Variants in RIN2 observed in about 807,000 individuals in gnomAD.
RIN2 encodes Ras and Rab interactor 2.
RIN2 carries 36 observed loss-of-function variants against 78.0 expected under a neutral mutation model. The ratio of observed to expected loss-of-function variants is 0.46; its 90% CI spans 0.35 to 0.61. The LOEUF (loss-of-function observed/expected upper bound fraction) is 0.61, where lower values mean the gene tolerates loss of function less well. Among genes scored for constraint, RIN2 ranks in the 20% least tolerant of loss-of-function variants. The pLI is 0.00. For synonymous variants in RIN2, 466 were observed against 466.8 expected (o/e 1.00, Z 0.02); for missense variants, 1,087 against 1,159.7 (o/e 0.94, Z 0.91).
At chr20:19,882,774 T>C (rs1213274647) in intron 2 of RIN2, among the ~76,000 whole-genome samples, 2 of 152,192 alleles carry the variant, frequency 1.3e-5, no homozygotes, top group African/African-American at 4.8e-5. Flanking sequence ...ACTGCACTAG[T>C]CCATGTATAC....
intron 1 of RIN2, among the ~76,000 whole-genome samples, chr20:19,770,753 G>A (rs1427795830): frequency 6.6e-6 from 1 of 152,052 alleles, no homozygotes; most frequent in Non-Finnish European, 1.5e-5. Context: ...CACCAACACA[G>A]AAGCCTTCTG....
intron 2 of RIN2, among the ~76,000 whole-genome samples, chr20:19,861,554 C>CTGA (rs1568551612): frequency 1.3e-5 from 2 of 151,248 alleles, no homozygotes; most frequent in African/African-American, 2.4e-5. Context: ...CCCTCCTTAT[C>CTGA]TGATCACCCT....
At chr20:19,859,337 C>G (rs1252208432) in intron 2 of RIN2, among the ~76,000 whole-genome samples, 1 of 152,218 alleles carries the variant, frequency 6.6e-6, no homozygotes, top group Non-Finnish European at 1.5e-5. Flanking sequence ...ATTCCTGGTT[C>G]TAATCCTGAC....
intron 3 of RIN2, among the ~76,000 whole-genome samples, chr20:19,903,147 G>C (rs549677006): frequency 3.3e-5 from 5 of 152,290 alleles, no homozygotes; most frequent in African/African-American, 9.6e-5. Flanking sequence ...TTAGCATCCT[G>C]TATTTTCTTG....
intron 3 of RIN2, among the ~76,000 whole-genome samples, chr20:19,928,590 C>G (rs1373956756): frequency 6.6e-6 from 1 of 152,212 alleles, no homozygotes; most frequent in Non-Finnish European, 1.5e-5. Context: ...CTTGCCCAGG[C>G]CCAGCCCTGG....
intron 2 of RIN2, among the ~76,000 whole-genome samples, chr20:19,830,767 C>A (rs964400953): frequency 6.6e-6 from 1 of 152,230 alleles, no homozygotes; most frequent in Admixed American, 6.5e-5. Context: ...GAGTCTATAG[C>A]TGCCACCAGC....
chr20:19,868,641 G>A (rs2123341643), intron 2 of RIN2, among the ~76,000 whole-genome samples: 1 of 152,288 alleles, frequency 6.6e-6, no homozygotes, highest in South Asian at 2.1e-4. Flanking sequence ...GCCTATGTGA[G>A]ATAAACAGAC....
At chr20:19,976,697 T>C (rs527876201) in intron 9 of RIN2, among the ~76,000 whole-genome samples, 1 of 152,350 alleles carries the variant, frequency 6.6e-6, no homozygotes, top group African/African-American at 2.4e-5. Flanking sequence ...AGAGACTTTA[T>C]TCACCAGGCA....
chr20:19,942,078 C>G (rs2040894938), intron 4 of RIN2, among the ~76,000 whole-genome samples: 1 of 145,772 alleles, frequency 6.9e-6, no homozygotes, highest in Non-Finnish European at 1.5e-5. Context: ...CCACTGCACT[C>G]CAGCATGGGT....
At chr20:19,811,577 A>C (rs1334769243) in intron 2 of RIN2, among the ~76,000 whole-genome samples, 4 of 152,280 alleles carry the variant, frequency 2.6e-5, no homozygotes, top group Non-Finnish European at 5.9e-5. Context: ...AGGGTGCTTA[A>C]GAGATTTTGA....
intron 2 of RIN2, among the ~76,000 whole-genome samples, chr20:19,849,484 A>G (rs34634068): frequency 0.047 from 7,089 of 152,282 alleles, 207 homozygotes; most frequent in South Asian, 0.12. Context: ...GCTCCTGCTC[A>G]GCAGCAAAGT....
chr20:19,943,975 C>CG (rs2040983317), intron 4 of RIN2, among the ~76,000 whole-genome samples: 1 of 95,880 alleles, frequency 1.0e-5, no homozygotes, highest in South Asian at 4.6e-4. Context: ...TTTCAATATC[C>CG]TTTTTTTTTT....
At chr20:19,787,401 C>T (rs1353193033) in intron 1 of RIN2, among the ~76,000 whole-genome samples, 4 of 126,968 alleles carry the variant, frequency 3.2e-5, no homozygotes, top group South Asian at 2.5e-4. Context: ...CCTGCCTGGG[C>T]GACAGAGCAA....
intron 2 of RIN2, chr20:19,824,093 G>A (rs1265133532): frequency 1.7e-6 from 1 of 597,874 alleles, no homozygotes; most frequent in Non-Finnish European, 3.0e-6. Flanking sequence ...TGAGTTAATT[G>A]TATAAAAGTT....
At chr20:19,820,664 G>C (rs1169347457) in intron 2 of RIN2, among the ~76,000 whole-genome samples, 2 of 152,090 alleles carry the variant, frequency 1.3e-5, no homozygotes, top group African/African-American at 4.8e-5. Context: ...CAGTCTTCCT[G>C]GGCCAGTGTG....
chr20:19,852,955 A>C (rs1389035678), intron 2 of RIN2, among the ~76,000 whole-genome samples: 1 of 151,752 alleles, frequency 6.6e-6, no homozygotes, highest in Non-Finnish European at 1.5e-5. Context: ...ACATATGTAT[A>C]CATGTGCCAT....
chr20:19,776,100 CAACT>C (rs1250745275), intron 1 of RIN2, among the ~76,000 whole-genome samples: 1 of 152,126 alleles, frequency 6.6e-6, no homozygotes, highest in Non-Finnish European at 1.5e-5. Context: ...CTAAGTCCCC[CAACT>C]AACTGATGGA....
intron 4 of RIN2, among the ~76,000 whole-genome samples, chr20:19,956,257 C>CAAAAAAAA (rs11483774): frequency 3.9e-5 from 2 of 50,730 alleles, no homozygotes; most frequent in African/African-American, 7.7e-5. Context: ...GACTCCATCT[C>CAAAAAAAA]AAAAAAAAAA....
chr20:19,946,139 T>C (rs1372947708), intron 4 of RIN2, among the ~76,000 whole-genome samples: 2 of 152,146 alleles, frequency 1.3e-5, no homozygotes, highest in Non-Finnish European at 2.9e-5. Context: ...TATTAATTCC[T>C]GCACAGGGCT....
Sources: gnomAD v4.1 joint callset for allele counts (sites outside exome capture counted in the v4.1 genomes callset) on GRCh38, gnomAD v4.1.1 for gene constraint, MANE v1.5 for transcripts, NCBI Gene and HGNC (gene_info 2026-07-23, HGNC 2026-07-21) for gene names.